AUTS2: variants seen among roughly 807,000 people sequenced by gnomAD.
AUTS2 encodes autism susceptibility gene 2 protein.
Under a neutral mutation model 112.4 loss-of-function variants are expected in AUTS2, and 17 were observed. The observed-to-expected ratio is 0.15, with a 90% CI of 0.10 to 0.23. The LOEUF (loss-of-function observed/expected upper bound fraction) is 0.23, where lower values mean the gene tolerates loss of function less well. Among genes scored for constraint, AUTS2 ranks in the 10% least tolerant of loss-of-function variants. The probability of loss-of-function intolerance (pLI) is 1.00; values close to 1 mark genes in which losing one functional copy is unlikely to be tolerated. For missense variants in AUTS2, 1,510 were observed against 1,701.6 expected (o/e 0.89, Z 1.98); for synonymous variants, 751 against 702.7 (o/e 1.07, Z -1.09).
chr7:70,081,914 A>C (rs1171761431), intron 2 of AUTS2, among the ~76,000 whole-genome samples: 3 of 150,964 alleles, frequency 2.0e-5, no homozygotes, highest in African/African-American at 7.3e-5. Flanking sequence ...GAAAGAAAAA[A>C]CGGTAGATTT....
At chr7:70,641,538 C>T (rs1456904212) in intron 5 of AUTS2, among the ~76,000 whole-genome samples, 3 of 152,068 alleles carry the variant, frequency 2.0e-5, no homozygotes, top group Non-Finnish European at 2.9e-5. Flanking sequence ...GGCAACAGAG[C>T]GAGACTCCAT....
At chr7:70,069,201 G>A (rs1408755156) in intron 2 of AUTS2, among the ~76,000 whole-genome samples, 10 of 152,120 alleles carry the variant, frequency 6.6e-5, no homozygotes, top group Non-Finnish European at 1.2e-4. Flanking sequence ...ATGGAGCATA[G>A]CTCTCTCTGA....
intron 1 of AUTS2, among the ~76,000 whole-genome samples, chr7:69,673,515 T>C (rs901075340): frequency 6.6e-6 from 1 of 152,234 alleles, no homozygotes; most frequent in Non-Finnish European, 1.5e-5. Context: ...TGTTCAGGCC[T>C]ATTGCTTCCT....
chr7:70,177,881 G>A (rs1809075898), intron 4 of AUTS2, among the ~76,000 whole-genome samples: 1 of 149,758 alleles, frequency 6.7e-6, no homozygotes, highest in South Asian at 2.1e-4. Flanking sequence ...AGTGGTTTGT[G>A]GTTGACTGGT....
chr7:70,246,987 A>G (rs1812958500), intron 4 of AUTS2, among the ~76,000 whole-genome samples: 1 of 151,880 alleles, frequency 6.6e-6, no homozygotes, highest in African/African-American at 2.4e-5. Flanking sequence ...GTCTTGAAAA[A>G]CCATGTTAGC....
intron 4 of AUTS2, among the ~76,000 whole-genome samples, chr7:70,277,173 T>C (rs2129609852): frequency 6.6e-6 from 1 of 152,338 alleles, no homozygotes; most frequent in Middle Eastern, 3.4e-3. Context: ...AGTGGACAAC[T>C]GGATTTCAGA....
chr7:70,768,657 C>G (rs34590018), intron 10 of AUTS2, among the ~76,000 whole-genome samples: 9,083 of 151,966 alleles, frequency 0.06, 308 homozygotes, highest in Middle Eastern at 0.17. Context: ...AACTCATTCT[C>G]CTTTATTTAA....
In AUTS2 at chr7:70,591,480, C is replaced by A. The variant is rs562099541; in HGVS notation, c.691-107089C>A. On this transcript the variant is annotated intron_variant, in intron 5 of 18. Transcript: ENST00000342771. Reference sequence around the variant, plus strand: ...GTGGTGCTATCTCAGCTCACCGCAACCTCCACCTCCAGGTTCAAGCGGTTC... The same window carrying A: ...GTGGTGCTATCTCAGCTCACCGCAAACTCCACCTCCAGGTTCAAGCGGTTC... Among the ~76,000 whole-genome samples the A allele has an allele frequency of 2.0e-5, 3 of 152,300 alleles. No individual in the cohort carries two copies. The South Asian group carries it at 6.2e-4, about 32-fold the overall frequency.
At chr7:70,717,958 C>T (rs1441581505) in intron 6 of AUTS2, among the ~76,000 whole-genome samples, 2 of 152,224 alleles carry the variant, frequency 1.3e-5, no homozygotes, top group Non-Finnish European at 2.9e-5. Flanking sequence ...TCTTCCATTC[C>T]TGCCCTGGAG....
At chr7:69,982,235 C>A (rs1284486403) in intron 2 of AUTS2, among the ~76,000 whole-genome samples, 1 of 152,084 alleles carries the variant, frequency 6.6e-6, no homozygotes, top group African/African-American at 2.4e-5. Context: ...TTCTTGACTG[C>A]TCTGCTATAT....
intron 4 of AUTS2, among the ~76,000 whole-genome samples, chr7:70,139,725 C>A (rs1485549368): frequency 6.6e-6 from 1 of 152,150 alleles, no homozygotes; most frequent in African/African-American, 2.4e-5. Context: ...GAGGGCTGGG[C>A]ACGGTGGCTC....
At chr7:70,304,355 G>A (rs1789387292) in intron 4 of AUTS2, among the ~76,000 whole-genome samples, 1 of 152,174 alleles carries the variant, frequency 6.6e-6, no homozygotes, top group South Asian at 2.1e-4. Context: ...AGCTTTTATT[G>A]ATACTTCAGC....
At chr7:70,628,016 G>C (rs1374655031) in intron 5 of AUTS2, among the ~76,000 whole-genome samples, 3 of 152,220 alleles carry the variant, frequency 2.0e-5, no homozygotes, top group Non-Finnish European at 4.4e-5. Context: ...GCTGATGGAA[G>C]AGCATGGGCA....
At chr7:70,019,362 T>G (rs570843602) in intron 2 of AUTS2, among the ~76,000 whole-genome samples, 1 of 152,294 alleles carries the variant, frequency 6.6e-6, no homozygotes, top group African/African-American at 2.4e-5. Flanking sequence ...CAAACCCCCA[T>G]GACACAAGTT....
At chr7:69,961,862 G>C (rs979561266) in intron 2 of AUTS2, among the ~76,000 whole-genome samples, 17 of 151,996 alleles carry the variant, frequency 1.1e-4, no homozygotes, top group Non-Finnish European at 2.4e-4. Context: ...TTTTTGGAAA[G>C]CTCTGAGGAA....
intron 2 of AUTS2, among the ~76,000 whole-genome samples, chr7:70,109,183 A>T (rs1804939591): frequency 6.6e-6 from 1 of 152,230 alleles, no homozygotes; most frequent in African/African-American, 2.4e-5. Flanking sequence ...GAAAATCATA[A>T]AAAGTAAGTT....
intron 5 of AUTS2, among the ~76,000 whole-genome samples, chr7:70,479,690 T>C (rs570604712): frequency 1.3e-5 from 2 of 152,312 alleles, no homozygotes; most frequent in East Asian, 1.9e-4. Flanking sequence ...CATTGGTTTT[T>C]CTGGCTCTTT....
intron 5 of AUTS2, among the ~76,000 whole-genome samples, chr7:70,514,596 C>T (rs528762525): frequency 7.0e-4 from 106 of 152,372 alleles, no homozygotes; most frequent in Middle Eastern, 6.8e-3. Context: ...TATGACCCAG[C>T]ACCTCCCACT....
chr7:69,728,968 GT>G (rs1786654871), intron 1 of AUTS2, among the ~76,000 whole-genome samples: 1 of 152,076 alleles, frequency 6.6e-6, no homozygotes, highest in Non-Finnish European at 1.5e-5. Context: ...AAATCCTTTA[GT>G]GAGCTAGATT....
Sources: allele counts gnomAD v4.1 joint callset (sites outside exome capture counted in the v4.1 genomes callset), GRCh38; gene constraint gnomAD v4.1.1; transcripts MANE v1.5; gene names NCBI Gene and HGNC (gene_info 2026-07-23, HGNC 2026-07-21).